Variants in ABCA13 observed in about 807,000 individuals in gnomAD.
ABCA13 encodes the protein ATP binding cassette subfamily A member 13.
ABCA13 carries 476 observed loss-of-function variants against 478.7 expected under a neutral mutation model. That is an observed-to-expected ratio of 0.99 (90% CI 0.92 to 1.07). The LOEUF is 1.07. Ranked by LOEUF, ABCA13 falls within the 50% of genes least tolerant of loss-of-function variation. The pLI is 0.00. For missense variants in ABCA13, 6,060 were observed against 5,910.6 expected (o/e 1.03, Z -0.83); for synonymous variants, 2,252 against 2,158.9 (o/e 1.04, Z -1.20).
At chr7:48,219,541 C>G in intron 4 of ABCA13, 36 bp downstream of exon 4, 1 of 1,585,242 alleles carries the variant, frequency 6.3e-7, no homozygotes, top group Non-Finnish European at 8.5e-7. Flanking sequence ...CACTACCTAC[C>G]TGGACATAGC....
In ABCA13 at chr7:48,272,413, C is replaced by T; in HGVS notation, c.2747C>T (p.Ala916Val). The T allele has an allele frequency of 6.2e-7, 1 of 1,613,794 alleles. No individual in the cohort carries two copies. The highest frequency in any genetic ancestry group is 1.1e-5 in the South Asian group (1 of 91,070). The change falls in exon 17 of 62, where the codon GCT (alanine) becomes GTT (valine). Residue 916 changes from alanine to valine, a missense_variant. Ala to Val is a moderately conservative substitution (Grantham distance 64). Coordinates refer to ENST00000435803, the MANE Select transcript of ABCA13 (RefSeq NM_152701.5). ...TTGGAGCAGGAACAGATCTCAGAAGCTCTGAACACAGTCTACGCTATCAGG... is the reference window on the plus strand; with the variant it reads ...TTGGAGCAGGAACAGATCTCAGAAGTTCTGAACACAGTCTACGCTATCAGG... ...GFLEQEQISE[A>V]LNTVYAIRNA... is the part of the protein sequence containing the mutation.
At chr7:48,175,415 A>G (rs1459070110) in intron 1 of ABCA13, among the ~76,000 whole-genome samples, 2 of 152,160 alleles carry the variant, frequency 1.3e-5, no homozygotes, top group East Asian at 3.9e-4. Context: ...TTGAAGCTAT[A>G]TGATATATTA....
Position 48,229,913 on chromosome 7 carries a change from T to C in ABCA13, c.721T>C (p.Ser241Pro). The change falls in exon 7 of 62, where the codon TCG becomes CCG. Residue 241 changes from serine (S) to proline (P), a missense_variant. Coordinates refer to ENST00000435803, the MANE Select transcript of ABCA13 (RefSeq NM_152701.5). ...TGAACTTGTACTGAATGTGACCATT[T>C]CGACACTGACATTTCTGCAGCAACA... ...VSELVLNVTISTLTFLQQHGV... is the reference protein window; with the variant it reads ...VSELVLNVTIPTLTFLQQHGV... 1 of 1,614,018 alleles carries C rather than the reference T, an allele frequency of 6.2e-7. No homozygotes were observed. The highest frequency in any genetic ancestry group is 8.5e-7 in the Non-Finnish European group (1 of 1,179,870).
chr7:48,598,118 C>A (rs895341871), intron 58 of ABCA13, among the ~76,000 whole-genome samples: 1 of 152,180 alleles, frequency 6.6e-6, no homozygotes, highest in African/African-American at 2.4e-5. Flanking sequence ...TCCTGCCTAA[C>A]CCCTGGTAAC....
chr7:48,350,404 G>GT (rs565784706), intron 29 of ABCA13, among the ~76,000 whole-genome samples: 71 of 150,136 alleles, frequency 4.7e-4, no homozygotes, highest in South Asian at 1.3e-3. Flanking sequence ...TGCTTTAACT[G>GT]TTTTTTTTTC....
intron 31 of ABCA13, among the ~76,000 whole-genome samples, chr7:48,353,031 C>T (rs901140237): frequency 3.3e-5 from 5 of 151,854 alleles, no homozygotes; most frequent in Non-Finnish European, 7.4e-5. Context: ...AGCAGCTGGA[C>T]AAGAGGACTT....
intron 42 of ABCA13, among the ~76,000 whole-genome samples, chr7:48,436,403 T>C (rs1400189000): frequency 6.6e-6 from 1 of 151,730 alleles, no homozygotes; most frequent in African/African-American, 2.4e-5. Flanking sequence ...TGAACCTTCT[T>C]TCTTTTTTTC....
intron 41 of ABCA13, among the ~76,000 whole-genome samples, chr7:48,417,616 C>T (rs1179647098): frequency 6.6e-6 from 1 of 152,138 alleles, no homozygotes. Flanking sequence ...TCCCTTGCCC[C>T]CAGCCTCCTC....
chr7:48,340,060 A>G (rs1806890737), intron 29 of ABCA13, among the ~76,000 whole-genome samples: 1 of 152,080 alleles, frequency 6.6e-6, no homozygotes, highest in Non-Finnish European at 1.5e-5. Context: ...TTTTGGGAAT[A>G]TTTGCCCAAT....
intron 55 of ABCA13, among the ~76,000 whole-genome samples, chr7:48,576,308 G>A (rs369006550): frequency 3.3e-5 from 5 of 152,078 alleles, no homozygotes; most frequent in African/African-American, 1.2e-4. Flanking sequence ...GAACACATCC[G>A]CTATAATCAA....
intron 15 of ABCA13, among the ~76,000 whole-genome samples, chr7:48,259,677 T>C (rs1793900918): frequency 6.6e-6 from 1 of 151,946 alleles, no homozygotes; most frequent in South Asian, 2.1e-4. Flanking sequence ...GCAGACTTGA[T>C]TGTGTGGTTT....
intron 41 of ABCA13, among the ~76,000 whole-genome samples, chr7:48,426,629 G>A (rs998544695): frequency 2.6e-5 from 4 of 152,180 alleles, no homozygotes; most frequent in South Asian, 2.1e-4. Flanking sequence ...TTGGAGAGGG[G>A]CCAGGGCCAG....
At chr7:48,362,542 T>C (rs28379537) in intron 31 of ABCA13, among the ~76,000 whole-genome samples, 3 of 151,452 alleles carry the variant, frequency 2.0e-5, no homozygotes, top group Non-Finnish European at 4.4e-5. Context: ...TAGCTTCTTA[T>C]ATATGTGGCC....
At chr7:48,332,872 T>C (rs955364793) in intron 27 of ABCA13, among the ~76,000 whole-genome samples, 1 of 152,210 alleles carries the variant, frequency 6.6e-6, no homozygotes, top group East Asian at 1.9e-4. Flanking sequence ...AAGCTTTTAC[T>C]GTGTTCAGAT....
chr7:48,566,673 C>G (rs993378845), intron 55 of ABCA13, among the ~76,000 whole-genome samples: 1 of 152,088 alleles, frequency 6.6e-6, no homozygotes. Context: ...CTTAGTGCTT[C>G]CATCTGGATT....
intron 1 of ABCA13, among the ~76,000 whole-genome samples, chr7:48,171,762 G>T (rs750151308): frequency 1.4e-4 from 22 of 152,178 alleles, no homozygotes; most frequent in Non-Finnish European, 2.4e-4. Flanking sequence ...CAAGGCTGAA[G>T]AATTTATCAG....
chr7:48,412,299 A>G (rs1194381667), intron 40 of ABCA13, 54 bp from the exon 41 acceptor site: 1 of 1,354,742 alleles, frequency 7.4e-7, no homozygotes, highest in Non-Finnish European at 1.0e-6. Flanking sequence ...CAATTGATGT[A>G]TATATGGATT....
chr7:48,267,547 TG>T (rs1795030147), intron 15 of ABCA13, among the ~76,000 whole-genome samples: 1 of 152,152 alleles, frequency 6.6e-6, no homozygotes, highest in South Asian at 2.1e-4. Context: ...AGCATACAAT[TG>T]GATCTTGTTT....
In ABCA13 at chr7:48,245,931, A is replaced by G. The variant is rs763154443; in HGVS notation, c.1560A>G (p.Gly520=). 5.0e-6 allele frequency: 8 copies of G among 1,613,710 alleles called. No individual in the cohort carries two copies. In the Admixed American group the frequency reaches 5.0e-5, roughly 10 times the overall value. ...FSEKEVFLPP[G]NSSIWGGLQG... Reference sequence around the variant, plus strand: ...AGAAGGAGGTCTTTTTGCCGCCTGGAAACTCCAGCATATGGGGTGGTCTCC... The same window carrying G: ...AGAAGGAGGTCTTTTTGCCGCCTGGGAACTCCAGCATATGGGGTGGTCTCC... Residue 520 remains glycine, a synonymous_variant, in exon 13 of 62, where the codon GGA becomes GGG. Coordinates refer to ENST00000435803, the MANE Select transcript of ABCA13 (RefSeq NM_152701.5).
Sources: gnomAD v4.1 joint callset for allele counts (sites outside exome capture counted in the v4.1 genomes callset) on GRCh38, gnomAD v4.1.1 for gene constraint, MANE v1.5 for transcripts, NCBI Gene and HGNC (gene_info 2026-07-23, HGNC 2026-07-21) for gene names.